SGCG: variants seen among roughly 807,000 people sequenced by gnomAD.
The protein encoded by SGCG is sarcoglycan gamma, also known as gamma-sarcoglycan.
SGCG carries 26 observed loss-of-function variants against 29.3 expected under a neutral mutation model. The ratio of observed to expected loss-of-function variants is 0.89; its 90% CI spans 0.65 to 1.23. The LOEUF (loss-of-function observed/expected upper bound fraction) is 1.23. Ranked by LOEUF, SGCG falls within the 50% of genes most tolerant of loss-of-function variation. The pLI is 0.00. For missense variants in SGCG, 353 were observed against 356.0 expected, an observed-to-expected ratio of 0.99 and a Z score of 0.07; for synonymous variants, 145 against 129.7, an observed-to-expected ratio of 1.12 and a Z score of -0.80.
intron 7 of SGCG, among the ~76,000 whole-genome samples, chr13:23,321,277 T>G (rs1454975606): frequency 2.6e-5 from 4 of 152,184 alleles, no homozygotes; most frequent in African/African-American, 7.2e-5. Context: ...AATACAGTTG[T>G]CCCCCTTTAT....
chr13:23,308,756 G>A (rs1352125128), intron 6 of SGCG, among the ~76,000 whole-genome samples: 1 of 152,094 alleles, frequency 6.6e-6, no homozygotes, highest in African/African-American at 2.4e-5. Context: ...TAGAGACGCG[G>A]TTTCATCATG....
intron 5 of SGCG, among the ~76,000 whole-genome samples, chr13:23,285,436 A>G (rs9578575): frequency 0.43 from 65,781 of 151,902 alleles, 15,069 homozygotes; most frequent in Middle Eastern, 0.65. Flanking sequence ...CTCAAACCTC[A>G]GTAATGGTGG....
the SGCG span, among the ~76,000 whole-genome samples, chr13:23,166,806 A>G: frequency 6.6e-6 from 1 of 152,168 alleles, no homozygotes; most frequent in South Asian, 2.1e-4. Context: ...AGGTGTATAT[A>G]TTTATGAGGT....
chr13:23,321,907 G>GAA lies in SGCG; in HGVS notation c.702+1157_702+1158dup, dbSNP rs35265625. Among the ~76,000 whole-genome samples the GAA allele has an allele frequency of 2.7e-3, 400 of 146,806 alleles. 3 individuals are homozygous for GAA. Among genetic ancestry groups the GAA allele is most frequent in the East Asian group, 4.2e-3 (21 of 5,004 alleles). Reference sequence around the variant, plus strand: ...ACTGATATTGGAACCCTGTTTGTTAGAAAAAAAAAAAGGAAAAAGCTCAAT... The same window carrying GAA: ...ACTGATATTGGAACCCTGTTTGTTAGAAAAAAAAAAAAAGGAAAAAGCTCAAT... On this transcript the variant is annotated intron_variant, in intron 7 of 7. Coordinates refer to ENST00000218867, the MANE Select transcript of SGCG (RefSeq NM_000231.3).
chr13:23,184,989 G>A lies in SGCG; in HGVS notation c.-1+3914G>A, dbSNP rs180817232. Among the ~76,000 whole-genome samples the A allele has an allele frequency of 1.5e-3, 226 of 152,300 alleles. 2 individuals are homozygous for A. The highest frequency in any genetic ancestry group is 3.1e-3 in the Admixed American group (47 of 15,290). On this transcript the variant is annotated intron_variant, in intron 1 of 7. Transcript: ENST00000218867. ...TGAAATTATTATCCTTGGCTACAGA[G>A]ATCAATAACAAGAGTAACACCAGTA...
intron 5 of SGCG, among the ~76,000 whole-genome samples, chr13:23,286,279 T>C (rs915901323): frequency 1.3e-5 from 2 of 152,200 alleles, no homozygotes; most frequent in African/African-American, 4.8e-5. Context: ...TTAAATTGCA[T>C]GTCTTGCAAA....
the SGCG span, among the ~76,000 whole-genome samples, chr13:23,165,505 A>T: frequency 0.43 from 65,165 of 150,936 alleles, 15,093 homozygotes; most frequent in East Asian, 0.79. Flanking sequence ...ATTCTAAAAT[A>T]CTCATTTCAG....
chr13:23,274,023 A>G (rs955024124), intron 4 of SGCG, among the ~76,000 whole-genome samples: 3 of 152,170 alleles, frequency 2.0e-5, no homozygotes, highest in Admixed American at 2.0e-4. Context: ...TTTGTTTCAT[A>G]AAGGTGGTGT....
intron 2 of SGCG, among the ~76,000 whole-genome samples, chr13:23,216,749 C>G (rs1415283840): frequency 6.6e-6 from 1 of 152,080 alleles, no homozygotes; most frequent in Non-Finnish European, 1.5e-5. Flanking sequence ...GCAAAAGCAT[C>G]AGTACAGTTG....
Position 23,214,415 on chromosome 13 carries a change from C to T in SGCG, c.195+10526C>T, listed in dbSNP as rs556608556. ...CAAACCCCTGCTGTTTCAGTAACAT[C>T]TCCCCAGGGAAAGCAATATGTGGGA... On this transcript the variant is annotated intron_variant, in intron 2 of 7. Transcript: ENST00000218867. 1.4e-3 allele frequency among the ~76,000 whole-genome samples: 214 copies of T among 152,308 alleles called. 1 individual carries two copies. Among genetic ancestry groups the T allele is most frequent in the African/African-American group, 4.9e-3 (205 of 41,572 alleles).
At chr13:23,210,460 G>A (rs1878149899) in intron 2 of SGCG, among the ~76,000 whole-genome samples, 2 of 152,096 alleles carry the variant, frequency 1.3e-5, no homozygotes, top group African/African-American at 2.4e-5. Flanking sequence ...GGGAGACTGA[G>A]GCGGGCAAAT....
chr13:23,281,492 GGA>G (rs1881305325), intron 5 of SGCG, among the ~76,000 whole-genome samples: 1 of 152,104 alleles, frequency 6.6e-6, no homozygotes, highest in African/African-American at 2.4e-5. Flanking sequence ...ACAGCTCTGG[GGA>G]CCACACTTTG....
chr13:23,307,702 T>C (rs1329571569), intron 6 of SGCG, among the ~76,000 whole-genome samples: 2 of 152,162 alleles, frequency 1.3e-5, no homozygotes, highest in Non-Finnish European at 2.9e-5. Flanking sequence ...AATATTAATA[T>C]CAATGTATCA....
At chr13:23,241,377 G>T (rs142043010) in intron 3 of SGCG, among the ~76,000 whole-genome samples, 49 of 152,188 alleles carry the variant, frequency 3.2e-4, no homozygotes, top group Middle Eastern at 3.4e-3. Flanking sequence ...AGGGAAAATG[G>T]ATAAATATTT....
At chr13:23,190,299 A>G (rs542142931) in intron 1 of SGCG, among the ~76,000 whole-genome samples, 1 of 152,266 alleles carries the variant, frequency 6.6e-6, no homozygotes, top group South Asian at 2.1e-4. Flanking sequence ...CTGTAGTAGT[A>G]ATCTCCAGAA....
the SGCG span, among the ~76,000 whole-genome samples, chr13:23,165,872 C>T: frequency 6.6e-6 from 1 of 152,116 alleles, no homozygotes; most frequent in Non-Finnish European, 1.5e-5. Context: ...TTAAAGCAGT[C>T]AATTTTTATA....
Position 23,203,976 on chromosome 13 carries a change from T to C in SGCG, c.195+87T>C, listed in dbSNP as rs1877880444. 4 of 976,484 alleles carry C rather than the reference T, an allele frequency of 4.1e-6. No homozygotes were observed. In the East Asian group the frequency reaches 9.5e-5, roughly 23 times the overall value. 60.5% of individuals were successfully genotyped at this position (976,484 alleles called of 1,614,324 possible). A position where few individuals can be genotyped will look rare whatever the true frequency, so the allele number is the denominator to read the frequency against. On this transcript the variant is annotated intron_variant, in intron 2 of 7. Coordinates refer to ENST00000218867, the MANE Select transcript of SGCG (RefSeq NM_000231.3). ...TATTGTATTGATAGGAGTTTCCTTT[T>C]GTAATTAACATTCATTTCTTTGCTG...
chr13:23,165,297 G>A, the SGCG span, among the ~76,000 whole-genome samples: 1 of 152,106 alleles, frequency 6.6e-6, no homozygotes, highest in East Asian at 1.9e-4. Flanking sequence ...AACAATGAAA[G>A]AGGATAAACA....
intron 2 of SGCG, among the ~76,000 whole-genome samples, chr13:23,208,107 A>G (rs1878049154): frequency 6.6e-6 from 1 of 152,118 alleles, no homozygotes. Context: ...TAGGGCTTTG[A>G]GCATTTGTAG....
Sources: gnomAD v4.1 joint callset for allele counts (sites outside exome capture counted in the v4.1 genomes callset) on GRCh38, gnomAD v4.1.1 for gene constraint, MANE v1.5 for transcripts, NCBI Gene and HGNC (gene_info 2026-07-23, HGNC 2026-07-21) for gene names.